DLGAP4: variants seen among roughly 807,000 people sequenced by gnomAD.
DLGAP4 encodes the protein disks large-associated protein 4.
A neutral mutation model predicts 86.9 loss-of-function variants in DLGAP4; 18 were observed. The ratio of observed to expected loss-of-function variants is 0.21; its 90% CI spans 0.14 to 0.31. The LOEUF (loss-of-function observed/expected upper bound fraction) is 0.31. Ranked by LOEUF, DLGAP4 falls within the 10% of genes least tolerant of loss-of-function variation. The pLI, the probability that DLGAP4 is intolerant of heterozygous loss-of-function variation, is 1.00. For synonymous variants in DLGAP4, 548 were observed against 574.3 expected, an observed-to-expected ratio of 0.95 and a Z score of 0.65; for missense variants, 1,085 against 1,362.6, an observed-to-expected ratio of 0.80 and a Z score of 3.21.
chr20:36,339,548 T>G (rs901840534), intron 1 of DLGAP4, among the ~76,000 whole-genome samples: 2 of 152,316 alleles, frequency 1.3e-5, no homozygotes, highest in South Asian at 4.1e-4. Flanking sequence ...CCCTGGCTAA[T>G]GTTTTTTAAA....
rs923185589 is a variant in DLGAP4, at chr20:36,328,303, C to T, written c.-304+21791C>T. Among the ~76,000 whole-genome samples the T allele has an allele frequency of 8.8e-4, 134 of 152,188 alleles. 2 individuals carry two copies. The highest frequency in any genetic ancestry group is 3.2e-4 in the Non-Finnish European group (22 of 68,040). Reference sequence around the variant, plus strand: ...GGGTGTGCCCCTTAATTTGATCACTCAGCTTCTCCTGGGCATCTTTTGTGC... The same window carrying T: ...GGGTGTGCCCCTTAATTTGATCACTTAGCTTCTCCTGGGCATCTTTTGTGC... On this transcript the variant is annotated intron_variant, in intron 1 of 12. Coordinates refer to ENST00000339266, the MANE Select transcript of DLGAP4 (RefSeq NM_001365621.2).
chr20:36,499,444 T>C, intron 8 of DLGAP4, 144 bp from the exon 9 acceptor site: 1 of 1,350,738 alleles, frequency 7.4e-7, no homozygotes, highest in South Asian at 1.3e-5. Flanking sequence ...CGGGCCCACG[T>C]GCAGTGTCCG....
At chr20:36,497,167 T>C (rs2035924021) in intron 8 of DLGAP4, 101 bp downstream of exon 8, 1 of 1,499,838 alleles carries the variant, frequency 6.7e-7, no homozygotes, top group South Asian at 1.4e-5. Flanking sequence ...TGGGAAAAGG[T>C]GGTTTGTCTC....
chr20:36,411,966 ATC>A (rs2032512307), intron 2 of DLGAP4, among the ~76,000 whole-genome samples: 1 of 152,044 alleles, frequency 6.6e-6, no homozygotes, highest in South Asian at 2.1e-4. Flanking sequence ...GTGAGTATTA[ATC>A]TCTGTCTTCA....
chr20:36,460,694 G>T, intron 7 of DLGAP4, among the ~76,000 whole-genome samples: 1 of 152,252 alleles, frequency 6.6e-6, no homozygotes, highest in East Asian at 1.9e-4. Flanking sequence ...TCAGTGAGGA[G>T]AGGGGACTCG....
chr20:36,346,635 A>C (rs1276946820), intron 1 of DLGAP4, among the ~76,000 whole-genome samples: 1 of 152,056 alleles, frequency 6.6e-6, no homozygotes, highest in African/African-American at 2.4e-5. Flanking sequence ...ATTGTCAAAG[A>C]CTTGGAATGC....
Position 36,527,128 on chromosome 20 carries a change from C to T in DLGAP4, c.*97C>T. ...TTTCTCAACCTTTGCTATGGTTATTCTGTCTAGAGACCCTGAGCCAACTTT... is the reference window on the plus strand; with the variant it reads ...TTTCTCAACCTTTGCTATGGTTATTTTGTCTAGAGACCCTGAGCCAACTTT... On this transcript the variant is annotated 3_prime_UTR_variant, in exon 13 of 13. Coordinates refer to ENST00000339266, the MANE Select transcript of DLGAP4 (RefSeq NM_001365621.2). The T allele has an allele frequency of 2.3e-6, 3 of 1,325,560 alleles. No individual in the cohort carries two copies. 82.1% of individuals were successfully genotyped at this position (1,325,560 alleles called of 1,614,324 possible). A position where few individuals can be genotyped will look rare whatever the true frequency, so the allele number is the denominator to read the frequency against.
At chr20:36,485,351 C>CAAAA (rs548217372) in intron 7 of DLGAP4, among the ~76,000 whole-genome samples, 1 of 75,754 alleles carries the variant, frequency 1.3e-5, no homozygotes, top group Non-Finnish European at 3.0e-5. Context: ...GACCCTGTCC[C>CAAAA]AAAAAAAAAA....
At chr20:36,446,991 G>T (rs1487327143) in intron 7 of DLGAP4, 54 bp downstream of exon 7, 25 of 1,547,028 alleles carry the variant, frequency 1.6e-5, no homozygotes, top group Non-Finnish European at 2.2e-5. Context: ...GGACCCCAAG[G>T]ACCATACCTG....
In DLGAP4 at chr20:36,497,066, A is replaced by G. The variant is rs372544563; in HGVS notation, c.2010A>G (p.Gln670=). ...PKRKLSSIGI[Q]VDCIQPVPKE... ...GGAAACTGTCATCGATAGGAATACA[A>G]GTAGGGGCTCCTTTTGCACTCTGTG... Residue 670 remains glutamine (Q), a splice_region_variant and synonymous_variant, in exon 8 of 13, where the codon CAA becomes CAG. Coordinates refer to ENST00000339266, the MANE Select transcript of DLGAP4 (RefSeq NM_001365621.2). The G allele has an allele frequency of 1.3e-4, 211 of 1,590,470 alleles. No homozygotes were observed. Among genetic ancestry groups the G allele is most frequent in the Non-Finnish European group, 1.6e-4 (189 of 1,166,386 alleles).
chr20:36,496,868 C>A lies in DLGAP4; in HGVS notation c.1812C>A (p.Gly604=), dbSNP rs2035909014. 1 of 1,614,082 alleles carries A rather than the reference C, an allele frequency of 6.2e-7. No homozygotes were observed. Among genetic ancestry groups the A allele is most frequent in the African/African-American group, 1.3e-5 (1 of 74,928 alleles). The change falls in exon 8 of 13, where the codon GGC becomes GGA. Residue 604 remains glycine, a synonymous_variant. Coordinates refer to ENST00000339266, the MANE Select transcript of DLGAP4 (RefSeq NM_001365621.2). ...AGAGCGAGGTGACTAGCCAGTCGGGCCTGAGCAACTCGTCGGACAGCCTGG... is the reference window on the plus strand; with the variant it reads ...AGAGCGAGGTGACTAGCCAGTCGGGACTGAGCAACTCGTCGGACAGCCTGG... ...DHKSEVTSQS[G]LSNSSDSLDS... is the part of the protein sequence containing the mutation.
intron 11 of DLGAP4, chr20:36,525,375 G>C (rs1031356435): frequency 5.0e-6 from 1 of 200,064 alleles, no homozygotes; most frequent in Non-Finnish European, 1.0e-5. Flanking sequence ...GTGGGAATGT[G>C]TGTACTCCCA....
chr20:36,352,490 T>C (rs1221558043), intron 1 of DLGAP4, among the ~76,000 whole-genome samples: 2 of 151,094 alleles, frequency 1.3e-5, no homozygotes, highest in African/African-American at 4.9e-5. Context: ...ATTCTAGAGA[T>C]GTTTTGAAGG....
intron 1 of DLGAP4, among the ~76,000 whole-genome samples, chr20:36,335,908 G>A (rs1173533076): frequency 2.0e-4 from 31 of 152,070 alleles, no homozygotes; most frequent in African/African-American, 7.0e-4. Context: ...GACTCCCAGG[G>A]GTTGCAAACT....
chr20:36,461,657 C>CT (rs2034060978), intron 7 of DLGAP4: 1 of 230,070 alleles, frequency 4.3e-6, no homozygotes, highest in Non-Finnish European at 4.8e-6. Flanking sequence ...AGACGGGGGC[C>CT]GCCCCGCCCG....
intron 3 of DLGAP4, among the ~76,000 whole-genome samples, chr20:36,434,493 A>G (rs998286255): frequency 3.9e-5 from 6 of 152,204 alleles, no homozygotes; most frequent in African/African-American, 1.4e-4. Flanking sequence ...TGATCATGTA[A>G]CAATGCCGCA....
intron 1 of DLGAP4, among the ~76,000 whole-genome samples, chr20:36,315,703 G>A (rs2065092766): frequency 6.6e-6 from 1 of 152,084 alleles, no homozygotes; most frequent in Admixed American, 6.5e-5. Context: ...GCCTCCTCTT[G>A]TGTGGGTGCA....
chr20:36,439,896 C>G (rs1248297317), intron 5 of DLGAP4, 28 bp downstream of exon 5: 6 of 1,590,718 alleles, frequency 3.8e-6, no homozygotes, highest in Non-Finnish European at 5.1e-6. Flanking sequence ...GCTGGAGAGT[C>G]AGGGGGCTTG....
At chr20:36,525,704 T>C (rs1473418342) in intron 11 of DLGAP4, 147 bp from the exon 12 acceptor site, 4 of 1,062,728 alleles carry the variant, frequency 3.8e-6, no homozygotes, top group Non-Finnish European at 5.4e-6. Flanking sequence ...CTTAGATTCA[T>C]TCATACAGAT....
Sources: gnomAD v4.1 joint callset for allele counts (sites outside exome capture counted in the v4.1 genomes callset) on GRCh38, gnomAD v4.1.1 for gene constraint, MANE v1.5 for transcripts, NCBI Gene and HGNC (gene_info 2026-07-23, HGNC 2026-07-21) for gene names.